Variants in TENM3 observed in about 807,000 individuals in gnomAD.
TENM3 encodes the protein teneurin-3.
In TENM3, 63 loss-of-function variants were observed where a neutral mutation model predicts 255.1. That is an observed-to-expected ratio of 0.25 (90% confidence interval 0.20 to 0.30). TENM3 has a LOEUF of 0.30. TENM3 is among the 10% of genes least tolerant of loss of function. The pLI, the probability that TENM3 is intolerant of heterozygous loss-of-function variation, is 1.00. For missense variants in TENM3, 2,929 were observed against 3,461.1 expected (o/e 0.85, Z 3.86); for synonymous variants, 1,306 against 1,322.3 (o/e 0.99, Z 0.27).
At chr4:182,463,244 A>T (rs1474394874) in intron 3 of TENM3, among the ~76,000 whole-genome samples, 1 of 152,156 alleles carries the variant, frequency 6.6e-6, no homozygotes, top group East Asian at 1.9e-4. Flanking sequence ...ATCATTTTGC[A>T]ACTTAAAAGA....
chr4:181,899,938 T>C, the TENM3 span, among the ~76,000 whole-genome samples: 1 of 152,216 alleles, frequency 6.6e-6, no homozygotes, highest in South Asian at 2.1e-4. Flanking sequence ...CACTGACCTT[T>C]TTTCTTGATT....
At chr4:182,187,824 C>T (rs1753265616) in intron 1 of TENM3, among the ~76,000 whole-genome samples, 1 of 152,004 alleles carries the variant, frequency 6.6e-6, no homozygotes, top group South Asian at 2.1e-4. Flanking sequence ...AGTTTTTTGT[C>T]AAGCAGTAAC....
the TENM3 span, among the ~76,000 whole-genome samples, chr4:181,466,846 T>G: frequency 6.6e-6 from 1 of 152,068 alleles, no homozygotes; most frequent in Middle Eastern, 3.4e-3. Context: ...GAATTCTTTT[T>G]CTTGTAAAAA....
chr4:182,416,858 C>G (rs1256555341), intron 3 of TENM3, among the ~76,000 whole-genome samples: 5 of 152,184 alleles, frequency 3.3e-5, no homozygotes, highest in African/African-American at 1.2e-4. Flanking sequence ...GAGAGGCACA[C>G]GTTGTCTGCA....
the TENM3 span, among the ~76,000 whole-genome samples, chr4:181,487,468 C>A: frequency 6.6e-6 from 1 of 152,154 alleles, no homozygotes; most frequent in East Asian, 1.9e-4. Context: ...GGTAAAGGCC[C>A]TCTTCCTGGT....
chr4:182,731,483 C>T (rs950167583), intron 16 of TENM3, among the ~76,000 whole-genome samples: 1 of 152,058 alleles, frequency 6.6e-6, no homozygotes, highest in Admixed American at 6.5e-5. Context: ...GCACTCCAGC[C>T]TGGGTGACAC....
the TENM3 span, among the ~76,000 whole-genome samples, chr4:181,603,480 C>T: frequency 6.6e-6 from 1 of 152,096 alleles, no homozygotes; most frequent in South Asian, 2.1e-4. Context: ...ACAACAATAC[C>T]ATCGGCACTT....
chr4:181,874,027 C>A, the TENM3 span, among the ~76,000 whole-genome samples: 3 of 152,160 alleles, frequency 2.0e-5, no homozygotes, highest in Admixed American at 2.0e-4. Context: ...TGGTGATTCG[C>A]CTGCCTTAGC....
At chr4:181,738,961 T>C in the TENM3 span, among the ~76,000 whole-genome samples, 1 of 152,158 alleles carries the variant, frequency 6.6e-6, no homozygotes, top group Non-Finnish European at 1.5e-5. Context: ...TAGCTAGTTT[T>C]TACCTCTCTC....
the TENM3 span, among the ~76,000 whole-genome samples, chr4:181,651,402 C>T: frequency 6.6e-6 from 1 of 152,074 alleles, no homozygotes; most frequent in Non-Finnish European, 1.5e-5. Context: ...GAGATCGAGA[C>T]TGGCCTAAAA....
the TENM3 span, among the ~76,000 whole-genome samples, chr4:181,456,773 GA>G: frequency 6.6e-6 from 1 of 151,842 alleles, no homozygotes; most frequent in Admixed American, 6.6e-5. Flanking sequence ...AAAATATTTT[GA>G]GTGAATAATG....
chr4:182,599,843 C>T (rs1017668811), intron 3 of TENM3, among the ~76,000 whole-genome samples: 3 of 152,048 alleles, frequency 2.0e-5, no homozygotes. Context: ...TGCATTTAGT[C>T]CAAAATTGAC....
chr4:182,536,521 C>T (rs1740338815), intron 3 of TENM3, among the ~76,000 whole-genome samples: 1 of 152,226 alleles, frequency 6.6e-6, no homozygotes. Flanking sequence ...CAGAGGATCA[C>T]ATCCTGGCCG....
the TENM3 span, among the ~76,000 whole-genome samples, chr4:181,532,222 C>G: frequency 1.3e-5 from 2 of 152,008 alleles, no homozygotes; most frequent in African/African-American, 2.4e-5. Context: ...AAAACATTAC[C>G]CCTAAAGAAG....
chr4:181,812,389 A>C, the TENM3 span, among the ~76,000 whole-genome samples: 1 of 152,222 alleles, frequency 6.6e-6, no homozygotes, highest in African/African-American at 2.4e-5. Context: ...ACTTTAGAAA[A>C]AAATTGGCTG....
chr4:182,643,598 A>G (rs1357321201), intron 5 of TENM3, among the ~76,000 whole-genome samples: 1 of 152,312 alleles, frequency 6.6e-6, no homozygotes, highest in Non-Finnish European at 1.5e-5. Flanking sequence ...AAGTTCCACA[A>G]TTATTTAAAG....
chr4:182,015,023 G>C, the TENM3 span, among the ~76,000 whole-genome samples: 1 of 152,120 alleles, frequency 6.6e-6, no homozygotes, highest in East Asian at 1.9e-4. Context: ...GGGACACAAG[G>C]CCTCTAATAA....
At chr4:181,872,569 C>T in the TENM3 span, among the ~76,000 whole-genome samples, 10 of 152,078 alleles carry the variant, frequency 6.6e-5, no homozygotes, top group Non-Finnish European at 1.2e-4. Flanking sequence ...TCATTTAAGT[C>T]GTAAAGTGTA....
At chr4:182,308,257 G>A (rs1489573080) in intron 1 of TENM3, among the ~76,000 whole-genome samples, 1 of 152,144 alleles carries the variant, frequency 6.6e-6, no homozygotes, top group Non-Finnish European at 1.5e-5. Flanking sequence ...CCCGATGCCT[G>A]GGTTGGGCGT....
Sources: allele counts gnomAD v4.1 joint callset (sites outside exome capture counted in the v4.1 genomes callset), GRCh38; gene constraint gnomAD v4.1.1; transcripts MANE v1.5; gene names NCBI Gene and HGNC (gene_info 2026-07-23, HGNC 2026-07-21).